Variants in HEPHL1 observed in about 807,000 individuals in gnomAD.
HEPHL1 encodes hephaestin like 1, also known as ferroxidase HEPHL1.
Under a neutral mutation model 122.0 loss-of-function variants are expected in HEPHL1, and 123 were observed. The ratio of observed to expected loss-of-function variants is 1.01; its 90% CI spans 0.87 to 1.17. HEPHL1 has a LOEUF of 1.17. Ranked by LOEUF, HEPHL1 falls within the 50% of genes most tolerant of loss-of-function variation. HEPHL1 has a pLI of 0.00. For missense variants in HEPHL1, 1,452 were observed against 1,430.5 expected, an observed-to-expected ratio of 1.01 and a Z score of -0.24; for synonymous variants, 527 against 508.9, an observed-to-expected ratio of 1.04 and a Z score of -0.48.
intron 4 of HEPHL1, 56 bp downstream of exon 4, chr11:94,064,566 T>G: frequency 2.6e-6 from 3 of 1,160,278 alleles, no homozygotes; most frequent in Non-Finnish European, 3.7e-6. Context: ...TATAAGGTAC[T>G]ACAAGGGATA....
chr11:94,073,164 G>A lies in HEPHL1; in HGVS notation c.1372G>A (p.Gly458Ser). 6.2e-7 allele frequency: 1 copy of A among 1,612,930 alleles called. No homozygotes were observed. The highest frequency in any genetic ancestry group is 1.1e-5 in the South Asian group (1 of 90,990). The change falls in exon 7 of 20, where the codon GGC (glycine) becomes AGC (serine). Residue 458 changes from glycine to serine, a missense_variant and splice_region_variant. Gly to Ser is a moderately conservative substitution (Grantham distance 56). Transcript: ENST00000315765. ...SAEEAHLGIL[G>S]PVIKAEVGDT... is the part of the protein sequence containing the mutation. ...TGAAGAAGCCCATCTTGGAATTCTT[G>A]GTACAGTAAAACCATCCCCCATGCA... is the stretch of plus-strand genomic sequence containing the variant.
At chr11:94,072,947 T>C (rs1946088485) in intron 6 of HEPHL1, 78 bp from the exon 7 acceptor site, 20 of 1,370,746 alleles carry the variant, frequency 1.5e-5, no homozygotes, top group Non-Finnish European at 2.0e-5. Context: ...CTAAAAGTGA[T>C]AGAATGAAGT....
chr11:94,104,964 G>A (rs2134453556), intron 16 of HEPHL1, among the ~76,000 whole-genome samples: 2 of 152,282 alleles, frequency 1.3e-5, no homozygotes, highest in Middle Eastern at 3.4e-3. Flanking sequence ...CTAACTTGTA[G>A]GGACATGTAT....
chr11:94,090,186 C>A (rs765798265), intron 12 of HEPHL1, among the ~76,000 whole-genome samples: 1 of 151,918 alleles, frequency 6.6e-6, no homozygotes, highest in Non-Finnish European at 1.5e-5. Flanking sequence ...TTTGTTAGGC[C>A]AAACACCTGT....
At chr11:94,074,566 AGCCTCTG>A (rs1269494995) in intron 8 of HEPHL1, among the ~76,000 whole-genome samples, 2 of 152,182 alleles carry the variant, frequency 1.3e-5, no homozygotes, top group Non-Finnish European at 2.9e-5. Flanking sequence ...ATGCAGAATG[AGCCTCTG>A]GCCTTGTCTA....
At chr11:94,085,265 A>G (rs1453916843) in intron 10 of HEPHL1, among the ~76,000 whole-genome samples, 1 of 152,234 alleles carries the variant, frequency 6.6e-6, no homozygotes, top group Non-Finnish European at 1.5e-5. Flanking sequence ...GATGTCAAAG[A>G]TAAAAACAAT....
rs761557628 is a variant in HEPHL1, at chr11:94,063,662, C to T, written c.570C>T (p.Ile190=). ...NCLTWVYHSH[I]DAPKDICSGL... ...TGACCTGGGTGTACCATTCGCACAT[C>T]GACGCCCCAAAGGACATCTGCTCTG... Residue 190 remains isoleucine (I), a synonymous_variant, in exon 3 of 20, where the codon ATC becomes ATT. Transcript: ENST00000315765. 16 of 1,613,714 alleles carry T rather than the reference C, an allele frequency of 9.9e-6. No homozygotes were observed. In the East Asian group the frequency reaches 2.0e-4, roughly 20 times the overall value.
intron 5 of HEPHL1, among the ~76,000 whole-genome samples, chr11:94,068,042 G>A (rs539616522): frequency 2.6e-5 from 4 of 152,292 alleles, no homozygotes; most frequent in African/African-American, 7.2e-5. Context: ...AAATGAATAC[G>A]ATTTAAGGCA....
At chr11:94,084,656 G>A (rs938302778) in intron 10 of HEPHL1, among the ~76,000 whole-genome samples, 2 of 152,092 alleles carry the variant, frequency 1.3e-5, no homozygotes, top group African/African-American at 4.8e-5. Flanking sequence ...GCATTCCAAG[G>A]CAAGAGAAGA....
At chr11:94,048,422 C>T (rs1481797843) in intron 2 of HEPHL1, among the ~76,000 whole-genome samples, 1 of 152,046 alleles carries the variant, frequency 6.6e-6, no homozygotes, top group Non-Finnish European at 1.5e-5. Context: ...TGCAGTAGTA[C>T]AGTCATGGTT....
chr11:94,044,694 C>A (rs1945817399), intron 1 of HEPHL1, among the ~76,000 whole-genome samples: 1 of 152,040 alleles, frequency 6.6e-6, no homozygotes, highest in Non-Finnish European at 1.5e-5. Context: ...GTTATCCAAT[C>A]CTACTTCTCC....
At position 94,070,452 on chromosome 11, in the gene HEPHL1, G is replaced by T; in HGVS notation, c.1142G>T (p.Arg381Leu). The part of the protein sequence containing the change: ...FYPKMKGQQR[R>L]YFIAAEKILW... The stretch of plus-strand genomic sequence containing the variant: ...CCCAAGATGAAGGGTCAACAGAGGC[G>T]CTACTTTATAGCAGCTGAAAAAATT... Residue 381 changes from arginine to leucine, a missense_variant, in exon 6 of 20, where the codon CGC becomes CTC. Arg to Leu is a moderately radical substitution (Grantham distance 102). Coordinates refer to ENST00000315765, the MANE Select transcript of HEPHL1 (RefSeq NM_001098672.2). 6.2e-7 allele frequency: 1 copy of T among 1,608,662 alleles called. No individual in the cohort carries two copies.
chr11:94,091,537 G>T, intron 12 of HEPHL1, among the ~76,000 whole-genome samples: 1 of 152,186 alleles, frequency 6.6e-6, no homozygotes, highest in East Asian at 1.9e-4. Flanking sequence ...CCTACTATAT[G>T]CTAGACATTG....
chr11:94,035,991 C>T (rs1210712913), intron 1 of HEPHL1, among the ~76,000 whole-genome samples: 1 of 152,220 alleles, frequency 6.6e-6, no homozygotes, highest in Non-Finnish European at 1.5e-5. Flanking sequence ...CCGCCTCGGC[C>T]TCCCAAAGTG....
intron 6 of HEPHL1, among the ~76,000 whole-genome samples, chr11:94,072,433 T>C (rs2134433228): frequency 6.6e-6 from 1 of 152,216 alleles, no homozygotes; most frequent in East Asian, 1.9e-4. Context: ...AAAGAAAATC[T>C]ACGTGGCTGC....
intron 1 of HEPHL1, among the ~76,000 whole-genome samples, chr11:94,026,440 T>C (rs1283434813): frequency 6.6e-6 from 1 of 152,248 alleles, no homozygotes; most frequent in Admixed American, 6.5e-5. Flanking sequence ...GCAAGGCAGC[T>C]GGCAGTCCCT....
At chr11:94,084,444 G>A (rs188164778) in intron 10 of HEPHL1, among the ~76,000 whole-genome samples, 1 of 152,082 alleles carries the variant, frequency 6.6e-6, no homozygotes, top group East Asian at 1.9e-4. Context: ...TAATTCAAAT[G>A]TCACATTAAT....
chr11:94,079,196 G>A (rs79509074), intron 9 of HEPHL1, among the ~76,000 whole-genome samples: 4 of 152,304 alleles, frequency 2.6e-5, no homozygotes, highest in East Asian at 1.9e-4. Flanking sequence ...AAAACATGAT[G>A]TGGGGACTCC....
At chr11:94,099,314 G>C (rs529562827) in intron 13 of HEPHL1, among the ~76,000 whole-genome samples, 1 of 152,340 alleles carries the variant, frequency 6.6e-6, no homozygotes, top group African/African-American at 2.4e-5. Flanking sequence ...AGCAGCGGAG[G>C]CTGCAGAACA....
Sources: gnomAD v4.1 joint callset for allele counts (sites outside exome capture counted in the v4.1 genomes callset) on GRCh38, gnomAD v4.1.1 for gene constraint, MANE v1.5 for transcripts, NCBI Gene and HGNC (gene_info 2026-07-23, HGNC 2026-07-21) for gene names.